DNAJC21: variants seen among roughly 807,000 people sequenced by gnomAD.
DNAJC21 encodes the protein dnaJ homolog subfamily C member 21.
Under a neutral mutation model 72.4 loss-of-function variants are expected in DNAJC21, and 63 were observed. That is an observed-to-expected ratio of 0.87 (90% confidence interval 0.71 to 1.07). The LOEUF (loss-of-function observed/expected upper bound fraction) is 1.07. Ranked by LOEUF, DNAJC21 falls within the 50% of genes least tolerant of loss-of-function variation. DNAJC21 has a pLI of 0.00. For missense variants in DNAJC21, 634 were observed against 644.8 expected, an observed-to-expected ratio of 0.98 and a Z score of 0.18; for synonymous variants, 203 against 216.7, an observed-to-expected ratio of 0.94 and a Z score of 0.56.
intron 10 of DNAJC21, chr5:34,950,822 C>T (rs1765339600): frequency 2.0e-6 from 2 of 986,050 alleles, no homozygotes; most frequent in South Asian, 4.7e-5. Flanking sequence ...TGCACAAGGC[C>T]ATGGTGTGGA....
chr5:34,947,676 AGAG>A (rs1765219580), intron 9 of DNAJC21, among the ~76,000 whole-genome samples: 2 of 123,840 alleles, frequency 1.6e-5, no homozygotes, highest in African/African-American at 2.7e-5. Flanking sequence ...TTTTTTTTGA[AGAG>A]ATTATCTTTT....
chr5:34,935,979 C>A, intron 3 of DNAJC21, 146 bp downstream of exon 3: 1 of 1,405,352 alleles, frequency 7.1e-7, no homozygotes, highest in Non-Finnish European at 9.6e-7. Context: ...CATGTTTAAG[C>A]TGTCAGTGTA....
chr5:34,945,689 C>T, intron 8 of DNAJC21, 72 bp from the exon 9 acceptor site: 3 of 1,355,766 alleles, frequency 2.2e-6, no homozygotes, highest in South Asian at 1.5e-5. Flanking sequence ...ACTAGTGTTT[C>T]AACTTTTTTT....
intron 6 of DNAJC21, 32 bp downstream of exon 6, chr5:34,939,041 T>G (rs772316846): frequency 1.0e-5 from 15 of 1,472,318 alleles, no homozygotes; most frequent in Middle Eastern, 2.3e-4. Flanking sequence ...TTATCTTTTT[T>G]GTTTTTTAAG....
chr5:34,934,764 C>A (rs1357617589), intron 2 of DNAJC21, among the ~76,000 whole-genome samples: 1 of 152,142 alleles, frequency 6.6e-6, no homozygotes, highest in Non-Finnish European at 1.5e-5. Flanking sequence ...CCTGCTCTTA[C>A]AAAGAGCTAC....
rs1349064627 is a variant in DNAJC21 at position 34,945,855 on chromosome 5, G to A, written c.1185+52G>A. ...TAAATGCCAACGATAAAGTTGCAGTGCTCTTATTTATTCAGTGTAGTCTGT... is the reference window on the plus strand; with the variant it reads ...TAAATGCCAACGATAAAGTTGCAGTACTCTTATTTATTCAGTGTAGTCTGT... On this transcript the variant is annotated intron_variant, in intron 9 of 11. Transcript: ENST00000648817. 28 of 1,308,650 alleles carry A rather than the reference G, an allele frequency of 2.1e-5. No homozygotes were observed. In the East Asian group the frequency reaches 6.2e-4, roughly 29 times the overall value. 81.1% of individuals were successfully genotyped at this position (1,308,650 alleles called of 1,614,324 possible).
chr5:34,946,644 A>T (rs1765182431), intron 9 of DNAJC21, among the ~76,000 whole-genome samples: 1 of 152,170 alleles, frequency 6.6e-6, no homozygotes, highest in Non-Finnish European at 1.5e-5. Context: ...TGCTTCAGTT[A>T]TAAAACCGCA....
rs570663785 is a variant in DNAJC21, at chr5:34,941,629, C to T, written c.983+446C>T. On this transcript the variant is annotated intron_variant, in intron 7 of 11. Coordinates refer to ENST00000648817, the MANE Select transcript of DNAJC21 (RefSeq NM_001012339.3). The stretch of plus-strand genomic sequence containing the variant: ...TTGCCCCGGCTGGAGTGCAGTGGCA[C>T]GATCTCAGCTCACTGCAACCTCCAC... Among the ~76,000 whole-genome samples the T allele has an allele frequency of 1.3e-4, 19 of 141,134 alleles. 2 individuals carry two copies. In the South Asian group the frequency reaches 2.3e-3, roughly 17 times the overall value. 92.6% of individuals were successfully genotyped at this position (141,134 alleles called of 152,430 possible).
intron 9 of DNAJC21, among the ~76,000 whole-genome samples, chr5:34,949,328 A>C (rs191563927): frequency 1.8e-3 from 275 of 151,518 alleles, no homozygotes; most frequent in African/African-American, 6.3e-3. Flanking sequence ...CATGAAAGAC[A>C]AAAAAAAAGT....
intron 10 of DNAJC21, chr5:34,952,819 G>A (rs918981846): frequency 3.9e-5 from 6 of 152,076 alleles, no homozygotes; most frequent in Admixed American, 2.6e-4. Flanking sequence ...TTCTCTGTGC[G>A]ACTATTGAAG....
intron 5 of DNAJC21, among the ~76,000 whole-genome samples, chr5:34,937,986 C>T (rs1429882886): frequency 6.6e-5 from 10 of 151,836 alleles, no homozygotes; most frequent in Admixed American, 5.9e-4. Context: ...TTAGTAGTGA[C>T]GAGGTTTCAC....
chr5:34,931,628 A>G (rs1208480810), intron 1 of DNAJC21, among the ~76,000 whole-genome samples: 2 of 151,852 alleles, frequency 1.3e-5, no homozygotes. Flanking sequence ...AGGACTGTGA[A>G]ATTTGCTTCG....
In DNAJC21 at chr5:34,950,122, A is replaced by T. The variant is rs770283673; in HGVS notation, c.1186-48A>T. The T allele has an allele frequency of 2.0e-6, 3 of 1,531,008 alleles. No homozygotes were observed. In the African/African-American group the frequency reaches 4.2e-5, roughly 21 times the overall value. The allele number at this position is 1,531,008 out of a possible 1,614,324, so 94.8% of individuals were successfully genotyped here. Reference sequence around the variant, plus strand: ...TGGCAACATAACATAAAAAGCTAGTAGTAGTATTATATTTATTTTGTAACG... The same window carrying T: ...TGGCAACATAACATAAAAAGCTAGTTGTAGTATTATATTTATTTTGTAACG... On this transcript the variant is annotated intron_variant, in intron 9 of 11. Coordinates refer to ENST00000648817, the MANE Select transcript of DNAJC21 (RefSeq NM_001012339.3).
At position 34,953,922 on chromosome 5, in the gene DNAJC21, C is replaced by A. The variant is rs776558579; in HGVS notation, c.1359-4C>A. ...TGGATTATGCTGAATTATTTATTTT[C>A]CAGTGTTCCTAAACCCAAAGGAAAG... On this transcript the variant is annotated splice_region_variant and splice_polypyrimidine_tract_variant and intron_variant, in intron 10 of 11. Transcript: ENST00000648817. 1.5e-5 allele frequency: 24 copies of A among 1,606,340 alleles called. No individual in the cohort carries two copies. Among genetic ancestry groups the A allele is most frequent in the Non-Finnish European group, 1.7e-5 (20 of 1,176,702 alleles).
chr5:34,934,003 G>T, intron 2 of DNAJC21, 95 bp downstream of exon 2: 1 of 1,057,064 alleles, frequency 9.5e-7, no homozygotes, highest in Non-Finnish European at 1.4e-6. Flanking sequence ...ACATTAAATG[G>T]TTTTTGGTGT....
intron 9 of DNAJC21, among the ~76,000 whole-genome samples, chr5:34,948,548 T>C (rs1765246623): frequency 6.6e-6 from 1 of 152,098 alleles, no homozygotes; most frequent in Non-Finnish European, 1.5e-5. Context: ...AAAAAGAAAT[T>C]TATGTATCTA....
chr5:34,937,819 A>G (rs1047550669), intron 5 of DNAJC21, among the ~76,000 whole-genome samples, 189 bp downstream of exon 5: 12 of 152,006 alleles, frequency 7.9e-5, no homozygotes, highest in African/African-American at 2.7e-4. Flanking sequence ...TATTTTTGGG[A>G]CAGTGTCATT....
chr5:34,950,041 C>A, intron 9 of DNAJC21, 129 bp from the exon 10 acceptor site: 1 of 1,040,048 alleles, frequency 9.6e-7, no homozygotes, highest in Non-Finnish European at 1.3e-6. Context: ...TAATGAGCAT[C>A]CATGTTCTTA....
intron 10 of DNAJC21, chr5:34,951,862 A>G (rs1765378572): frequency 1.0e-6 from 1 of 985,498 alleles, no homozygotes; most frequent in East Asian, 1.1e-4. Context: ...CTGGGGAGGA[A>G]GAAGGGTTCT....
Sources: allele counts gnomAD v4.1 joint callset (sites outside exome capture counted in the v4.1 genomes callset), GRCh38; gene constraint gnomAD v4.1.1; transcripts MANE v1.5; gene names NCBI Gene and HGNC (gene_info 2026-07-23, HGNC 2026-07-21).